ANKS1B: variants seen among roughly 807,000 people sequenced by gnomAD.
The protein encoded by ANKS1B is ankyrin repeat and sterile alpha motif domain-containing protein 1B.
Under a neutral mutation model 148.3 loss-of-function variants are expected in ANKS1B, and 36 were observed. The observed-to-expected ratio is 0.24, with a 90% CI of 0.19 to 0.32. The LOEUF (loss-of-function observed/expected upper bound fraction) is 0.32, where lower values mean the gene tolerates loss of function less well. Among genes scored for constraint, ANKS1B ranks in the 10% least tolerant of loss-of-function variants. ANKS1B has a pLI of 1.00. For synonymous variants in ANKS1B, 542 were observed against 560.8 expected (o/e 0.97, Z 0.47); for missense variants, 1,157 against 1,542.6 (o/e 0.75, Z 4.19).
Position 99,960,234 on chromosome 12 carries a change from C to T in ANKS1B, c.134+23870G>A, listed in dbSNP as rs1014695825. 2.6e-5 allele frequency among the ~76,000 whole-genome samples: 4 copies of T among 152,182 alleles called. No individual in the cohort carries two copies. The East Asian group carries it at 7.7e-4, about 29-fold the overall frequency. Reference sequence around the variant, plus strand: ...AAGCTCTAAAAGCCAAGGGTGGCAACGCTTAAATCCCTATAGATAAGCTTT... The same window carrying T: ...AAGCTCTAAAAGCCAAGGGTGGCAATGCTTAAATCCCTATAGATAAGCTTT... On this transcript the variant is annotated intron_variant, in intron 1 of 26. Transcript: ENST00000683438.
intron 12 of ANKS1B, among the ~76,000 whole-genome samples, chr12:99,281,996 T>TACCTTTTAGTGGTGAGAGATC (rs2078525689): frequency 6.6e-6 from 1 of 152,218 alleles, no homozygotes. Flanking sequence ...TCATGGAGAT[T>TACCTTTTAGTGGTGAGAGATC]ACCTTTTAGT....
chr12:99,921,604 A>G (rs1603459114), intron 1 of ANKS1B, among the ~76,000 whole-genome samples: 1 of 152,154 alleles, frequency 6.6e-6, no homozygotes, highest in East Asian at 1.9e-4. Flanking sequence ...CTCCCCCCAA[A>G]AAATCTACTC....
intron 17 of ANKS1B, among the ~76,000 whole-genome samples, chr12:98,941,564 G>C (rs556092584): frequency 6.6e-6 from 1 of 152,016 alleles, no homozygotes. Context: ...ATTGATTTGC[G>C]GTTACAATTC....
intron 9 of ANKS1B, among the ~76,000 whole-genome samples, chr12:99,551,489 C>A (rs139863487): frequency 3.7e-4 from 45 of 122,600 alleles, no homozygotes; most frequent in African/African-American, 1.4e-3. Context: ...GTGTCAGATT[C>A]TTAGGATATG....
intron 15 of ANKS1B, among the ~76,000 whole-genome samples, chr12:99,096,371 G>GA (rs533421820): frequency 8.7e-5 from 13 of 148,842 alleles, no homozygotes; most frequent in Non-Finnish European, 1.6e-4. Context: ...ATGTCTTCAG[G>GA]AAAAAAAAAA....
intron 9 of ANKS1B, among the ~76,000 whole-genome samples, chr12:99,569,921 G>A (rs137874387): frequency 6.6e-6 from 1 of 152,092 alleles, no homozygotes; most frequent in Non-Finnish European, 1.5e-5. Flanking sequence ...TCCTAGTCAC[G>A]GTTGGGAGTC....
In ANKS1B at chr12:99,967,885, C is replaced by T. The variant is rs557505164; in HGVS notation, c.134+16219G>A. 6.3e-4 allele frequency among the ~76,000 whole-genome samples: 84 copies of T among 134,014 alleles called. No homozygotes were observed. The South Asian group carries it at 0.019, about 30-fold the overall frequency. The allele number at this position is 134,014 out of a possible 152,430, so 87.9% of individuals were successfully genotyped here. ...TCACACCACGGCACTCCAGCCTGGG[C>T]GACAAGGGCGAAACTCCGTCTCAAA... On this transcript the variant is annotated intron_variant, in intron 1 of 26. Transcript: ENST00000683438.
intron 14 of ANKS1B, among the ~76,000 whole-genome samples, chr12:99,180,611 T>G (rs749258847): frequency 4.6e-5 from 7 of 150,940 alleles, no homozygotes; most frequent in Non-Finnish European, 1.0e-4. Context: ...TGGGGAAAGT[T>G]CTTTGAGGGA....
At chr12:98,930,744 G>A (rs533338427) in intron 17 of ANKS1B, among the ~76,000 whole-genome samples, 4 of 152,118 alleles carry the variant, frequency 2.6e-5, no homozygotes, top group African/African-American at 4.8e-5. Flanking sequence ...AAGTGGGGGC[G>A]GGGTAGTGAC....
chr12:98,908,979 G>C (rs914578278), intron 17 of ANKS1B, among the ~76,000 whole-genome samples: 1 of 152,124 alleles, frequency 6.6e-6, no homozygotes, highest in Non-Finnish European at 1.5e-5. Context: ...AGATAAATGC[G>C]GGAGAGGGGC....
intron 12 of ANKS1B, among the ~76,000 whole-genome samples, chr12:99,365,777 C>A: frequency 6.6e-6 from 1 of 152,016 alleles, no homozygotes; most frequent in Non-Finnish European, 1.5e-5. Flanking sequence ...CTATCAGGTA[C>A]CTCTTCTGAT....
intron 9 of ANKS1B, among the ~76,000 whole-genome samples, chr12:99,633,400 T>A (rs2098194125): frequency 6.6e-6 from 1 of 152,138 alleles, no homozygotes; most frequent in Non-Finnish European, 1.5e-5. Context: ...ATTCCCTATT[T>A]AATAAATGGT....
Position 99,053,237 on chromosome 12 carries a change from C to G in ANKS1B, c.2698G>C (p.Asp900His). Residue 900 changes from aspartate to histidine, a missense_variant, in exon 17 of 27, where the codon GAC becomes CAC. Coordinates refer to ENST00000683438, the MANE Select transcript of ANKS1B (RefSeq NM_001352186.2). ...TTAATTAGAAAGGCTTTGGTGTAGT[C>G]GCCCAGTTCAATGGAATCCAGCCAC... ...AEWLDSIELGDYTKAFLINGY... is the reference protein window; with the variant it reads ...AEWLDSIELGHYTKAFLINGY... The G allele has an allele frequency of 6.2e-7, 1 of 1,610,962 alleles. No individual in the cohort carries two copies. The highest frequency in any genetic ancestry group is 8.5e-7 in the Non-Finnish European group (1 of 1,178,640).
chr12:99,292,778 A>G (rs1224733892), intron 12 of ANKS1B, among the ~76,000 whole-genome samples: 2 of 152,230 alleles, frequency 1.3e-5, no homozygotes, highest in Non-Finnish European at 2.9e-5. Context: ...TATCAGAGAA[A>G]TGCAAATCAA....
chr12:99,622,673 C>T (rs2098068401), intron 9 of ANKS1B, among the ~76,000 whole-genome samples: 1 of 151,828 alleles, frequency 6.6e-6, no homozygotes, highest in Non-Finnish European at 1.5e-5. Flanking sequence ...CCTAGAAACA[C>T]ACAACCTCCC....
chr12:98,817,498 G>T (rs1031122203), intron 19 of ANKS1B, among the ~76,000 whole-genome samples: 1 of 152,226 alleles, frequency 6.6e-6, no homozygotes, highest in African/African-American at 2.4e-5. Flanking sequence ...GTTACCCAGA[G>T]GCCGCAGGCC....
intron 10 of ANKS1B, among the ~76,000 whole-genome samples, chr12:99,487,905 G>A (rs1250746232): frequency 1.3e-5 from 2 of 152,068 alleles, no homozygotes; most frequent in South Asian, 2.1e-4. Flanking sequence ...TATTCTGAAT[G>A]AAACATGACA....
chr12:99,652,088 C>T (rs28403529), intron 9 of ANKS1B, among the ~76,000 whole-genome samples: 139,138 of 150,894 alleles, frequency 0.92, 64,193 homozygotes, highest in East Asian at 0.98. Flanking sequence ...TATATATATA[C>T]ACACACATAT....
Position 99,005,252 on chromosome 12 carries a change from G to C in ANKS1B, c.2778+47905C>G, listed in dbSNP as rs567473606. Among the ~76,000 whole-genome samples the C allele has an allele frequency of 1.1e-4, 17 of 152,290 alleles. No individual in the cohort carries two copies. In the South Asian group the frequency reaches 3.3e-3, roughly 30 times the overall value. Reference sequence around the variant, plus strand: ...GCTCCATTCCACAGCCCAGTGCTGGGACTGCAGTGCGCTAGGAAGGGCGTC... The same window carrying C: ...GCTCCATTCCACAGCCCAGTGCTGGCACTGCAGTGCGCTAGGAAGGGCGTC... On this transcript the variant is annotated intron_variant, in intron 17 of 26. Transcript: ENST00000683438.
Sources: gnomAD v4.1 joint callset for allele counts (sites outside exome capture counted in the v4.1 genomes callset) on GRCh38, gnomAD v4.1.1 for gene constraint, MANE v1.5 for transcripts, NCBI Gene and HGNC (gene_info 2026-07-23, HGNC 2026-07-21) for gene names.